CNTNAP2: variants seen among roughly 807,000 people sequenced by gnomAD.
CNTNAP2 encodes contactin associated protein 2.
In CNTNAP2, 98 loss-of-function variants were observed where a neutral mutation model predicts 155.2. That is an observed-to-expected ratio of 0.63 (90% CI 0.54 to 0.75). The LOEUF (loss-of-function observed/expected upper bound fraction) is 0.75. CNTNAP2 is among the 30% of genes least tolerant of loss of function. CNTNAP2 has a pLI of 0.00. For synonymous variants in CNTNAP2, 651 were observed against 631.2 expected (o/e 1.03, Z -0.47); for missense variants, 1,727 against 1,688.1 (o/e 1.02, Z -0.40).
At chr7:147,959,576 T>C (rs2116840942) in intron 14 of CNTNAP2, among the ~76,000 whole-genome samples, 1 of 152,258 alleles carries the variant, frequency 6.6e-6, no homozygotes. Flanking sequence ...GAGTAGCAAC[T>C]CGGGGCAGTT....
chr7:147,693,040 ATTAT>A (rs1434248206), intron 13 of CNTNAP2, among the ~76,000 whole-genome samples: 6 of 151,846 alleles, frequency 4.0e-5, no homozygotes, highest in Non-Finnish European at 5.9e-5. Context: ...GTATGTCTAG[ATTAT>A]TTATTTAGTT....
chr7:148,242,950 T>C (rs915521090), intron 20 of CNTNAP2, among the ~76,000 whole-genome samples: 1 of 152,160 alleles, frequency 6.6e-6, no homozygotes, highest in African/African-American at 2.4e-5. Flanking sequence ...TGAGGAAATA[T>C]AATCAAAATG....
At chr7:146,885,056 T>G in intron 3 of CNTNAP2, among the ~76,000 whole-genome samples, 1 of 152,124 alleles carries the variant, frequency 6.6e-6, no homozygotes, top group East Asian at 1.9e-4. Context: ...AACTAAAAAT[T>G]TCATGGAAAA....
chr7:147,140,869 T>G (rs1385753908), intron 8 of CNTNAP2, among the ~76,000 whole-genome samples: 1 of 152,134 alleles, frequency 6.6e-6, no homozygotes. Flanking sequence ...ACTTCTCTTT[T>G]GTGCTCCCTC....
chr7:148,002,484 A>T (rs1486926917), intron 15 of CNTNAP2, among the ~76,000 whole-genome samples: 1 of 152,182 alleles, frequency 6.6e-6, no homozygotes, highest in African/African-American at 2.4e-5. Flanking sequence ...TGAAGGCTAT[A>T]TGTAGTCCCC....
intron 1 of CNTNAP2, among the ~76,000 whole-genome samples, chr7:146,589,773 G>A (rs775172321): frequency 7.9e-5 from 12 of 151,700 alleles, no homozygotes; most frequent in Non-Finnish European, 1.8e-4. Context: ...ATATATAATG[G>A]AATGTTGCAA....
At chr7:147,550,555 A>C (rs1799832101) in intron 11 of CNTNAP2, among the ~76,000 whole-genome samples, 1 of 152,204 alleles carries the variant, frequency 6.6e-6, no homozygotes, top group Non-Finnish European at 1.5e-5. Context: ...CTTTATTAGC[A>C]GCATGAGAAT....
intron 1 of CNTNAP2, among the ~76,000 whole-genome samples, chr7:146,501,015 C>T: frequency 6.6e-6 from 1 of 151,998 alleles, no homozygotes; most frequent in Non-Finnish European, 1.5e-5. Flanking sequence ...ATATAATATA[C>T]TATATTCATT....
chr7:146,391,810 G>A (rs1177967572), intron 1 of CNTNAP2, among the ~76,000 whole-genome samples: 1 of 152,000 alleles, frequency 6.6e-6, no homozygotes, highest in Non-Finnish European at 1.5e-5. Context: ...ACACATACAG[G>A]AGAACAACAC....
At chr7:146,911,441 T>A (rs1284679064) in intron 3 of CNTNAP2, among the ~76,000 whole-genome samples, 1 of 151,656 alleles carries the variant, frequency 6.6e-6, no homozygotes, top group Admixed American at 6.6e-5. Context: ...ATTAAGAAAA[T>A]GTGGCACATA....
chr7:146,462,999 C>T (rs1381547885), intron 1 of CNTNAP2, among the ~76,000 whole-genome samples: 4 of 152,040 alleles, frequency 2.6e-5, no homozygotes, highest in Non-Finnish European at 5.9e-5. Context: ...TAACCTTCCC[C>T]CTTGCAGGTG....
intron 1 of CNTNAP2, among the ~76,000 whole-genome samples, chr7:146,406,750 T>A (rs1465597808): frequency 1.3e-5 from 2 of 152,122 alleles, no homozygotes; most frequent in East Asian, 3.9e-4. Flanking sequence ...ACCTTTTGTA[T>A]CAGAGTAAGG....
chr7:147,176,923 A>T (rs1210144444), intron 8 of CNTNAP2, among the ~76,000 whole-genome samples: 4 of 125,168 alleles, frequency 3.2e-5, no homozygotes, highest in Admixed American at 8.4e-5. Context: ...AATTTTAATA[A>T]TATAATATAT....
intron 1 of CNTNAP2, among the ~76,000 whole-genome samples, chr7:146,649,147 C>T (rs1799864373): frequency 6.6e-6 from 1 of 151,982 alleles, no homozygotes; most frequent in Admixed American, 6.6e-5. Context: ...TTTAGATAAT[C>T]ATTTGTAACT....
intron 13 of CNTNAP2, among the ~76,000 whole-genome samples, chr7:147,714,832 C>T (rs936769540): frequency 2.0e-5 from 3 of 152,002 alleles, no homozygotes. Context: ...TACTTATTTA[C>T]AGCGGAATCT....
intron 1 of CNTNAP2, among the ~76,000 whole-genome samples, chr7:146,547,020 G>A (rs1006723382): frequency 5.3e-5 from 8 of 151,906 alleles, no homozygotes; most frequent in African/African-American, 1.7e-4. Flanking sequence ...ACAGGCAGGG[G>A]AGTCGTTTAG....
At chr7:146,452,192 C>T (rs1796494084) in intron 1 of CNTNAP2, among the ~76,000 whole-genome samples, 1 of 152,046 alleles carries the variant, frequency 6.6e-6, no homozygotes, top group African/African-American at 2.4e-5. Context: ...CAGGAGTGAG[C>T]CACTGCGCCC....
At chr7:148,179,714 G>A (rs1585171013) in intron 18 of CNTNAP2, among the ~76,000 whole-genome samples, 2 of 151,376 alleles carry the variant, frequency 1.3e-5, no homozygotes, top group Admixed American at 1.3e-4. Context: ...AGGAGAAAGA[G>A]GGAGAGAAAG....
intron 1 of CNTNAP2, among the ~76,000 whole-genome samples, chr7:146,265,811 T>A (rs1799985969): frequency 6.6e-6 from 1 of 152,186 alleles, no homozygotes; most frequent in South Asian, 2.1e-4. Flanking sequence ...TTGATCATAT[T>A]TTGAAAATTT....
Sources: allele counts gnomAD v4.1 joint callset (sites outside exome capture counted in the v4.1 genomes callset), GRCh38; gene constraint gnomAD v4.1.1; transcripts MANE v1.5; gene names NCBI Gene and HGNC (gene_info 2026-07-23, HGNC 2026-07-21).